The following PLXNA4 variants were observed in gnomAD, a reference collection of about 807,000 sequenced individuals.
PLXNA4 encodes the protein plexin-A4.
PLXNA4 carries 44 observed loss-of-function variants against 191.8 expected under a neutral mutation model. That is an observed-to-expected ratio of 0.23 (90% CI 0.18 to 0.29). PLXNA4 has a LOEUF of 0.29. Ranked by LOEUF, PLXNA4 falls within the 10% of genes least tolerant of loss-of-function variation. The probability of loss-of-function intolerance (pLI) is 1.00; values close to 1 mark genes in which losing one functional copy is unlikely to be tolerated. For synonymous variants in PLXNA4, 1,082 were observed against 1,009.5 expected, an observed-to-expected ratio of 1.07 and a Z score of -1.36; for missense variants, 1,800 against 2,488.8, an observed-to-expected ratio of 0.72 and a Z score of 5.89.
intron 31 of PLXNA4, among the ~76,000 whole-genome samples, chr7:132,132,418 TTCTGTTCTGTTCTGTTC>T (rs1794963702): frequency 4.9e-5 from 3 of 60,926 alleles, no homozygotes; most frequent in South Asian, 7.4e-4. Context: ...TTCTGTTCTG[TTCTGTTCTGTTCTGTTC>T]TGTTCTGTTC....
chr7:132,382,517 C>CCACCAGCCTTT (rs2116947363), intron 3 of PLXNA4, among the ~76,000 whole-genome samples: 1 of 152,244 alleles, frequency 6.6e-6, no homozygotes, highest in East Asian at 1.9e-4. Context: ...CCTCAAACCT[C>CCACCAGCCTTT]CACCAGCCTT....
chr7:132,449,603 C>T (rs1048165769), intron 3 of PLXNA4, among the ~76,000 whole-genome samples: 1 of 152,224 alleles, frequency 6.6e-6, no homozygotes, highest in African/African-American at 2.4e-5. Flanking sequence ...AGAAACCTGT[C>T]CTTTTCTGGA....
intron 3 of PLXNA4, among the ~76,000 whole-genome samples, chr7:132,314,005 T>C (rs1288310632): frequency 1.3e-5 from 2 of 152,156 alleles, no homozygotes; most frequent in African/African-American, 4.8e-5. Context: ...GAATAGAATG[T>C]TCTCCCACTT....
chr7:132,189,006 G>GGAGAGGAGAGGAAAGGAAA (rs1562908944), intron 14 of PLXNA4, among the ~76,000 whole-genome samples: 2 of 52,968 alleles, frequency 3.8e-5, no homozygotes, highest in Admixed American at 1.9e-4. Flanking sequence ...GAGAGAGAGA[G>GGAGAGGAGAGGAAAGGAAA]AGAGAGAGAG....
At chr7:132,526,272 C>T (rs1799397723) in intron 1 of PLXNA4, among the ~76,000 whole-genome samples, 1 of 152,180 alleles carries the variant, frequency 6.6e-6, no homozygotes, top group Admixed American at 6.5e-5. Flanking sequence ...ACATTGCATC[C>T]TCCATCACCA....
intron 3 of PLXNA4, among the ~76,000 whole-genome samples, chr7:132,321,443 C>T (rs1006447005): frequency 6.6e-6 from 1 of 151,644 alleles, no homozygotes; most frequent in Admixed American, 6.6e-5. Context: ...ATTGCGCTGG[C>T]TGTGACAGTC....
rs369153324 is a variant in PLXNA4, at chr7:132,531,140, T to C, written c.-86-22361A>G. Among the ~76,000 whole-genome samples, 11 of 152,214 alleles carry C rather than the reference T, an allele frequency of 7.2e-5. No individual in the cohort carries two copies. The East Asian group carries it at 2.1e-3, about 29-fold the overall frequency. The stretch of plus-strand genomic sequence containing the variant: ...GGGGAAGATGACAAAGTTCTGCAGA[T>C]GGATGACAACTTTAGTTACACAACA... On this transcript the variant is annotated intron_variant, in intron 1 of 31. Coordinates refer to ENST00000321063, the MANE Select transcript of PLXNA4 (RefSeq NM_020911.2).
chr7:132,313,326 T>G (rs1801819892), intron 3 of PLXNA4, among the ~76,000 whole-genome samples: 1 of 152,192 alleles, frequency 6.6e-6, no homozygotes, highest in Admixed American at 6.5e-5. Flanking sequence ...TTCCTGAACT[T>G]TTTTGCTACA....
chr7:132,456,208 G>T (rs1484577034), intron 3 of PLXNA4, among the ~76,000 whole-genome samples: 4 of 151,206 alleles, frequency 2.6e-5, no homozygotes, highest in African/African-American at 9.8e-5. Flanking sequence ...CATCTCCCAG[G>T]TCAAGCGATT....
chr7:132,407,462 ACACATG>A (rs559774919), intron 3 of PLXNA4, among the ~76,000 whole-genome samples: 3 of 152,250 alleles, frequency 2.0e-5, no homozygotes, highest in Non-Finnish European at 4.4e-5. Context: ...ACATGCATGC[ACACATG>A]CACATGCACA....
chr7:132,514,438 G>T (rs1162750364), intron 1 of PLXNA4, among the ~76,000 whole-genome samples: 4 of 152,198 alleles, frequency 2.6e-5, no homozygotes, highest in Admixed American at 2.0e-4. Flanking sequence ...CCCTGGGATG[G>T]TTAATTTTAT....
At chr7:132,342,327 G>A (rs1282094416) in intron 3 of PLXNA4, among the ~76,000 whole-genome samples, 1 of 151,124 alleles carries the variant, frequency 6.6e-6, no homozygotes, top group African/African-American at 2.4e-5. Context: ...ACTAACCATA[G>A]TAATATGCTT....
intron 1 of PLXNA4, among the ~76,000 whole-genome samples, chr7:132,562,173 T>TTTCTCCTCCTCCTCC (rs1329348478): frequency 3.7e-4 from 17 of 45,608 alleles, no homozygotes; most frequent in East Asian, 1.9e-3. Flanking sequence ...CCTCCTCCTC[T>TTTCTCCTCCTCCTCC]TTCTCCTCCT....
chr7:132,230,112 C>T (rs560207384), intron 5 of PLXNA4, among the ~76,000 whole-genome samples: 8 of 152,252 alleles, frequency 5.3e-5, no homozygotes, highest in Non-Finnish European at 8.8e-5. Context: ...TTCATGGCTG[C>T]GAGGTACAAG....
Position 132,574,223 on chromosome 7 carries a change from G to A in PLXNA4, c.-87+2199C>T, listed in dbSNP as rs145484246. 5.9e-3 allele frequency among the ~76,000 whole-genome samples: 895 copies of A among 152,258 alleles called. 7 individuals carry two copies. The highest frequency in any genetic ancestry group is 0.038 in the Middle Eastern group (11 of 290). On this transcript the variant is annotated intron_variant, in intron 1 of 31. Coordinates refer to ENST00000321063, the MANE Select transcript of PLXNA4 (RefSeq NM_020911.2). ...CATGAGAAAGGAAAGAGGGTAGGGAGGAAAGCAGAGAAAGGAGTGGAGGTC... is the reference window on the plus strand; with the variant it reads ...CATGAGAAAGGAAAGAGGGTAGGGAAGAAAGCAGAGAAAGGAGTGGAGGTC...
intron 3 of PLXNA4, among the ~76,000 whole-genome samples, chr7:132,400,267 G>A (rs1420505900): frequency 3.3e-5 from 5 of 152,144 alleles, no homozygotes; most frequent in South Asian, 4.2e-4. Context: ...AGGAAGTAAA[G>A]GACTCCACTT....
chr7:132,474,387 T>C (rs759051956), intron 3 of PLXNA4, among the ~76,000 whole-genome samples: 10 of 152,096 alleles, frequency 6.6e-5, no homozygotes, highest in Admixed American at 3.9e-4. Context: ...AGTGAGCTCA[T>C]AAATCAAAGC....
chr7:132,304,027 G>A (rs139726658), intron 3 of PLXNA4, among the ~76,000 whole-genome samples: 2 of 152,262 alleles, frequency 1.3e-5, no homozygotes, highest in Admixed American at 1.3e-4. Context: ...ACAACACATA[G>A]CAGGTAACGT....
intron 1 of PLXNA4, among the ~76,000 whole-genome samples, chr7:132,534,481 C>A (rs959833734): frequency 2.6e-5 from 4 of 152,052 alleles, no homozygotes; most frequent in Admixed American, 2.6e-4. Context: ...ATGCAGAGAC[C>A]GAGAATCTGG....
Sources: gnomAD v4.1 joint callset for allele counts (sites outside exome capture counted in the v4.1 genomes callset) on GRCh38, gnomAD v4.1.1 for gene constraint, MANE v1.5 for transcripts, NCBI Gene and HGNC (gene_info 2026-07-23, HGNC 2026-07-21) for gene names.